Variants in ATRNL1 observed in about 807,000 individuals in gnomAD.
ATRNL1 encodes attractin like 1, also known as attractin-like protein 1.
A neutral mutation model predicts 182.7 loss-of-function variants in ATRNL1; 95 were observed. That is an observed-to-expected ratio of 0.52 (90% CI 0.44 to 0.62). ATRNL1 has a LOEUF of 0.62. ATRNL1 is among the 20% of genes least tolerant of loss of function. The pLI, the probability that ATRNL1 is intolerant of heterozygous loss-of-function variation, is 0.00. For missense variants in ATRNL1, 1,471 were observed against 1,679.5 expected (o/e 0.88, Z 2.17); for synonymous variants, 576 against 568.3 (o/e 1.01, Z -0.19).
chr10:115,416,322 T>A (rs1033432727), intron 20 of ATRNL1, among the ~76,000 whole-genome samples: 2 of 152,140 alleles, frequency 1.3e-5, no homozygotes, highest in Admixed American at 6.5e-5. Flanking sequence ...AAATGACACA[T>A]GGAATTAAAC....
intron 22 of ATRNL1, 145 bp downstream of exon 22, chr10:115,462,180 G>C: frequency 6.1e-6 from 3 of 493,724 alleles, no homozygotes; most frequent in Non-Finnish European, 1.0e-5. Flanking sequence ...TTCTCTCTTC[G>C]TGATTCAATA....
intron 26 of ATRNL1, among the ~76,000 whole-genome samples, chr10:115,602,432 T>A (rs1375002407): frequency 3.9e-4 from 45 of 115,176 alleles, no homozygotes; most frequent in African/African-American, 1.7e-3. Context: ...GATTTTTTTG[T>A]TTACACACAC....
At chr10:115,826,907 G>C (rs140114868) in intron 27 of ATRNL1, among the ~76,000 whole-genome samples, 32 of 152,322 alleles carry the variant, frequency 2.1e-4, no homozygotes, top group African/African-American at 7.7e-4. Context: ...ATCTGGAATT[G>C]GTAGTTTGGT....
chr10:115,788,807 G>C (rs542121903), intron 27 of ATRNL1, among the ~76,000 whole-genome samples: 12 of 152,336 alleles, frequency 7.9e-5, no homozygotes, highest in African/African-American at 2.9e-4. Context: ...AACCTCCTGT[G>C]AGAGGGCTGT....
At chr10:115,728,092 G>A (rs1482525382) in intron 27 of ATRNL1, among the ~76,000 whole-genome samples, 2 of 139,086 alleles carry the variant, frequency 1.4e-5, no homozygotes, top group African/African-American at 2.7e-5. Context: ...TGGCTAACAT[G>A]GTGAAACCCC....
At chr10:115,326,931 A>G (rs1854923973) in intron 18 of ATRNL1, among the ~76,000 whole-genome samples, 1 of 152,218 alleles carries the variant, frequency 6.6e-6, no homozygotes, top group Non-Finnish European at 1.5e-5. Context: ...ACAAAAATCA[A>G]TTGAAGATGG....
intron 26 of ATRNL1, among the ~76,000 whole-genome samples, chr10:115,550,355 A>G (rs971820269): frequency 6.6e-6 from 1 of 151,864 alleles, no homozygotes; most frequent in African/African-American, 2.4e-5. Context: ...ATATAAAACA[A>G]CAGTATAATT....
chr10:115,441,008 C>T (rs115219832), intron 21 of ATRNL1, among the ~76,000 whole-genome samples: 182 of 151,870 alleles, frequency 1.2e-3, no homozygotes, highest in African/African-American at 4.1e-3. Flanking sequence ...TTTTTTACCA[C>T]CACAATCACC....
intron 19 of ATRNL1, among the ~76,000 whole-genome samples, chr10:115,350,334 C>CAAAAAAAAACA (rs1856177471): frequency 3.4e-5 from 1 of 29,732 alleles, no homozygotes; most frequent in Non-Finnish European, 5.2e-5. Context: ...GACTCTGTCT[C>CAAAAAAAAACA]AAAAAAAAAA....
chr10:115,604,592 A>G (rs1856777645), intron 26 of ATRNL1, among the ~76,000 whole-genome samples: 1 of 152,090 alleles, frequency 6.6e-6, no homozygotes, highest in South Asian at 2.1e-4. Flanking sequence ...TTGACACCCT[A>G]CAACTCAGCC....
chr10:115,289,537 C>G (rs778072837), intron 15 of ATRNL1, among the ~76,000 whole-genome samples: 29 of 152,012 alleles, frequency 1.9e-4, no homozygotes, highest in Non-Finnish European at 2.9e-4. Flanking sequence ...TTCTTTGATC[C>G]ATTTTTTTGT....
chr10:115,359,366 T>G (rs1049191861), intron 19 of ATRNL1, among the ~76,000 whole-genome samples: 3 of 151,666 alleles, frequency 2.0e-5, no homozygotes, highest in Non-Finnish European at 4.4e-5. Flanking sequence ...ATCATTTTTA[T>G]ATTATCGAAA....
intron 27 of ATRNL1, among the ~76,000 whole-genome samples, chr10:115,771,622 ATCATGAG>A (rs1342146439): frequency 6.6e-6 from 1 of 152,180 alleles, no homozygotes; most frequent in African/African-American, 2.4e-5. Context: ...TTTTCAGCAG[ATCATGAG>A]TCTAATATAC....
At chr10:115,177,499 T>G (rs1466997526) in intron 8 of ATRNL1, among the ~76,000 whole-genome samples, 1 of 151,796 alleles carries the variant, frequency 6.6e-6, no homozygotes, top group East Asian at 1.9e-4. Flanking sequence ...GTTAGGGGAG[T>G]TGATACAAGG....
chr10:115,869,779 G>A (rs1555105635), intron 28 of ATRNL1, among the ~76,000 whole-genome samples: 3 of 151,090 alleles, frequency 2.0e-5, no homozygotes, highest in Admixed American at 6.6e-5. Flanking sequence ...TTACATAAGC[G>A]GCATCATTTT....
At chr10:115,932,509 T>A (rs1243389690) in intron 28 of ATRNL1, among the ~76,000 whole-genome samples, 1 of 152,220 alleles carries the variant, frequency 6.6e-6, no homozygotes, top group Non-Finnish European at 1.5e-5. Flanking sequence ...AAAAAAATCA[T>A]GATTCTCTAC....
chr10:115,677,794 T>C lies in ATRNL1; in HGVS notation c.3796-49454T>C, dbSNP rs556242185. 9.9e-5 allele frequency among the ~76,000 whole-genome samples: 15 copies of C among 152,192 alleles called. No individual in the cohort carries two copies. In the East Asian group the frequency reaches 2.9e-3, roughly 30 times the overall value. On this transcript the variant is annotated intron_variant, in intron 26 of 28. Coordinates refer to ENST00000355044, the MANE Select transcript of ATRNL1 (RefSeq NM_207303.4). ...GGAGAGAATAGGGAGGGGGCTTACCTATCTAGGTGATGTTCCTCGGCAGCA... is the reference window on the plus strand; with the variant it reads ...GGAGAGAATAGGGAGGGGGCTTACCCATCTAGGTGATGTTCCTCGGCAGCA...
chr10:115,189,115 A>G (rs984904998), intron 8 of ATRNL1, among the ~76,000 whole-genome samples: 27 of 152,144 alleles, frequency 1.8e-4, no homozygotes, highest in African/African-American at 6.3e-4. Flanking sequence ...AAAAATTCCT[A>G]TCCCTGGAGA....
intron 19 of ATRNL1, among the ~76,000 whole-genome samples, chr10:115,372,929 A>T (rs984016721): frequency 6.6e-6 from 1 of 152,030 alleles, no homozygotes; most frequent in Non-Finnish European, 1.5e-5. Context: ...TTTGATAGGG[A>T]TTGCATTATA....
Sources: gnomAD v4.1 joint callset for allele counts (sites outside exome capture counted in the v4.1 genomes callset) on GRCh38, gnomAD v4.1.1 for gene constraint, MANE v1.5 for transcripts, NCBI Gene and HGNC (gene_info 2026-07-23, HGNC 2026-07-21) for gene names.